IFT46: variants seen among roughly 807,000 people sequenced by gnomAD.
IFT46 encodes intraflagellar transport 46.
Under a neutral mutation model 39.6 loss-of-function variants are expected in IFT46, and 19 were observed. The ratio of observed to expected loss-of-function variants is 0.48; its 90% confidence interval spans 0.33 to 0.70. IFT46 has a LOEUF of 0.70. Among genes scored for constraint, IFT46 ranks in the 30% least tolerant of loss-of-function variants. IFT46 has a pLI of 0.01. For missense variants in IFT46, 334 were observed against 364.8 expected (o/e 0.92, Z 0.69); for synonymous variants, 117 against 134.8 (o/e 0.87, Z 0.91).
At chr11:118,549,467 T>C (rs1295583758) in intron 9 of IFT46, among the ~76,000 whole-genome samples, 1 of 152,076 alleles carries the variant, frequency 6.6e-6, no homozygotes, top group Non-Finnish European at 1.5e-5. Flanking sequence ...ATGGTATCTA[T>C]TGGTATGTAG....
At chr11:118,558,797 TC>T (rs1367290607) in intron 3 of IFT46, among the ~76,000 whole-genome samples, 2 of 137,868 alleles carry the variant, frequency 1.5e-5, no homozygotes, top group Admixed American at 7.3e-5. Flanking sequence ...AGGCCTGTGA[TC>T]CCCCAGCTAC....
In IFT46 at chr11:118,554,441, A is replaced by G; in HGVS notation, c.483+18T>C. The G allele has an allele frequency of 6.3e-7, 1 of 1,592,248 alleles. No homozygotes were observed. The highest frequency in any genetic ancestry group is 1.2e-5 in the South Asian group (1 of 86,624). On this transcript the variant is annotated intron_variant, in intron 7 of 11. Coordinates refer to ENST00000264021, the MANE Select transcript of IFT46 (RefSeq NM_001168618.2). ...TTGGCCCTCTCCAGCTGGGGCCTAT[A>G]CTAAGCTAGTATCTTACTGTGATGT...
chr11:118,568,288 G>A (rs1938269849), upstream of IFT46, among the ~76,000 whole-genome samples: 2 of 152,260 alleles, frequency 1.3e-5, no homozygotes, highest in East Asian at 1.9e-4. Flanking sequence ...AGTGGCTCAC[G>A]CCTGTAATCC....
chr11:118,546,203 G>T, intron 9 of IFT46: 1 of 717,560 alleles, frequency 1.4e-6, no homozygotes. Flanking sequence ...CCCCTCAGAA[G>T]AAATCAATCT....
intron 9 of IFT46, 53 bp from the exon 10 acceptor site, chr11:118,545,906 G>A: frequency 6.7e-7 from 1 of 1,486,908 alleles, no homozygotes. Flanking sequence ...AGTGGTCCCA[G>A]AACCACTCTC....
At chr11:118,576,449 A>AAC (rs1555073620), upstream of IFT46, among the ~76,000 whole-genome samples, 2 of 145,296 alleles carry the variant, frequency 1.4e-5, no homozygotes, top group Admixed American at 6.8e-5. Flanking sequence ...AAAAAAAAAA[A>AAC]CCAAAAACTT....
chr11:118,562,880 A>G (rs1421338208), intron 2 of IFT46, among the ~76,000 whole-genome samples: 2 of 152,206 alleles, frequency 1.3e-5, no homozygotes, highest in African/African-American at 4.8e-5. Context: ...CCGGGCCAAC[A>G]TGGTGAAACC....
chr11:118,549,080 G>A (rs1302230506), intron 9 of IFT46, among the ~76,000 whole-genome samples: 1 of 151,584 alleles, frequency 6.6e-6, no homozygotes, highest in African/African-American at 2.4e-5. Flanking sequence ...AATTTTTTTA[G>A]TAGAAACGGG....
chr11:118,560,484 AAAAG>A (rs1363094237), intron 2 of IFT46: 1 of 172,312 alleles, frequency 5.8e-6, no homozygotes, highest in Non-Finnish European at 1.2e-5. Flanking sequence ...GGGGGAAAAG[AAAAG>A]AAAGAGAAAA....
chr11:118,574,943 T>C (rs996262965), upstream of IFT46, among the ~76,000 whole-genome samples: 55 of 152,030 alleles, frequency 3.6e-4, no homozygotes, highest in African/African-American at 1.3e-3. Flanking sequence ...TTTTTTTGTA[T>C]TCTGCAAATT....
intron 4 of IFT46, chr11:118,555,619 A>C (rs181261298): frequency 7.1e-6 from 2 of 281,720 alleles, no homozygotes; most frequent in Admixed American, 9.8e-5. Context: ...TGACAAGAAA[A>C]GGTAGAACAA....
upstream of IFT46, among the ~76,000 whole-genome samples, chr11:118,574,658 G>T (rs1227982124): frequency 1.3e-5 from 2 of 152,050 alleles, no homozygotes; most frequent in African/African-American, 4.8e-5. Flanking sequence ...GAATGTCCTA[G>T]ACTGCAAAGT....
intron 11 of IFT46, among the ~76,000 whole-genome samples, 153 bp from the exon 12 acceptor site, chr11:118,545,164 T>C (rs1408820000): frequency 6.6e-6 from 1 of 152,200 alleles, no homozygotes; most frequent in African/African-American, 2.4e-5. Flanking sequence ...GTGTCCTCTG[T>C]AGATCCTCAC....
At chr11:118,562,441 ATAAATAAAAAAT>A (rs1350543989) in intron 2 of IFT46, among the ~76,000 whole-genome samples, 1 of 152,302 alleles carries the variant, frequency 6.6e-6, no homozygotes, top group Non-Finnish European at 1.5e-5. Context: ...CTCTGTCTCT[ATAAATAAAAAAT>A]TAAATTAAAA....
chr11:118,574,217 C>T (rs182140475), upstream of IFT46, among the ~76,000 whole-genome samples: 335 of 152,272 alleles, frequency 2.2e-3, 2 homozygotes, highest in African/African-American at 7.9e-3. Flanking sequence ...GATTTGTGTA[C>T]TCTGGAGAAC....
At chr11:118,576,151 A>G (rs1555073501), upstream of IFT46, among the ~76,000 whole-genome samples, 1 of 151,548 alleles carries the variant, frequency 6.6e-6, no homozygotes, top group African/African-American at 2.4e-5. Flanking sequence ...CAGAAACCTA[A>G]TTCTCCAGGT....
intron 3 of IFT46, among the ~76,000 whole-genome samples, chr11:118,558,607 AC>A (rs1382210558): frequency 1.3e-5 from 2 of 151,288 alleles, no homozygotes; most frequent in African/African-American, 4.9e-5. Context: ...CAAAACAAAA[AC>A]AAAAACCATT....
intron 4 of IFT46, 31 bp from the exon 5 acceptor site, chr11:118,555,353 G>A (rs782464871): frequency 1.7e-5 from 27 of 1,571,236 alleles, no homozygotes; most frequent in Non-Finnish European, 2.3e-5. Flanking sequence ...TGTTCGAGGT[G>A]GCCAGAGAAG....
Position 118,555,260 on chromosome 11 carries a change from T to C in IFT46, c.248A>G (p.Gln83Arg), listed in dbSNP as rs1937792253. ...TCCTAGTACTCACCTACTGATGTAC[T>C]GGAAGAGTTCCTTAATTTCAGCAGA... ...PVSAEIKELF[Q>R]YISRYTPQLI... Residue 83 changes from glutamine to arginine, a missense_variant, in exon 5 of 12, where the codon CAG becomes CGG. Coordinates refer to ENST00000264021, the MANE Select transcript of IFT46 (RefSeq NM_001168618.2). The C allele has an allele frequency of 1.9e-6, 3 of 1,613,894 alleles. No individual in the cohort carries two copies. Among genetic ancestry groups the C allele is most frequent in the Non-Finnish European group, 2.5e-6 (3 of 1,179,746 alleles).
Sources: gnomAD v4.1 joint callset for allele counts (sites outside exome capture counted in the v4.1 genomes callset) on GRCh38, gnomAD v4.1.1 for gene constraint, MANE v1.5 for transcripts, NCBI Gene and HGNC (gene_info 2026-07-23, HGNC 2026-07-21) for gene names.